The following ACOXL variants were observed in gnomAD, a reference collection of about 807,000 sequenced individuals.
The protein encoded by ACOXL is acyl-CoA oxidase like.
ACOXL carries 70 observed loss-of-function variants against 71.9 expected under a neutral mutation model. The ratio of observed to expected loss-of-function variants is 0.97; its 90% CI spans 0.80 to 1.19. The LOEUF (loss-of-function observed/expected upper bound fraction) is 1.19. Ranked by LOEUF, ACOXL falls within the 50% of genes most tolerant of loss-of-function variation. ACOXL has a pLI of 0.00. For missense variants in ACOXL, 703 were observed against 736.3 expected, an observed-to-expected ratio of 0.95 and a Z score of 0.52; for synonymous variants, 253 against 281.6, an observed-to-expected ratio of 0.90 and a Z score of 1.02.
At chr2:110,912,534 TA>T (rs746276666) in intron 11 of ACOXL, among the ~76,000 whole-genome samples, 30 of 152,138 alleles carry the variant, frequency 2.0e-4, no homozygotes, top group Admixed American at 3.3e-4. Context: ...CTCTTTTCAA[TA>T]AATGGTGCTA....
intron 12 of ACOXL, among the ~76,000 whole-genome samples, chr2:110,977,649 C>T (rs990713351): frequency 9.2e-5 from 14 of 152,152 alleles, no homozygotes; most frequent in Admixed American, 3.9e-4. Context: ...CCAGATGTTG[C>T]AGCATCTAAA....
chr2:110,993,360 A>G (rs2149581543), intron 13 of ACOXL, among the ~76,000 whole-genome samples: 1 of 152,332 alleles, frequency 6.6e-6, no homozygotes, highest in South Asian at 2.1e-4. Context: ...GTTTTTCTAT[A>G]CTAGAACTTC....
intron 16 of ACOXL, among the ~76,000 whole-genome samples, chr2:111,063,787 G>C (rs1219851470): frequency 6.6e-6 from 1 of 152,144 alleles, no homozygotes; most frequent in African/African-American, 2.4e-5. Flanking sequence ...AATAAGGCAA[G>C]ATACAGAAAT....
Position 111,118,109 on chromosome 2 carries a change from G to A in ACOXL, c.*293G>A, listed in dbSNP as rs1160745053. On this transcript the variant is annotated 3_prime_UTR_variant, in exon 18 of 18. Coordinates refer to ENST00000439055, the MANE Select transcript of ACOXL (RefSeq NM_001142807.4). ...AGTGCCGGATCCCCTAGACAATCAG[G>A]GTGGGCTCCCCGCTGCGAGCGCGCC... 3.9e-6 allele frequency: 2 copies of A among 511,854 alleles called. No individual in the cohort carries two copies. Among genetic ancestry groups the A allele is most frequent in the Non-Finnish European group, 6.9e-6 (2 of 287,940 alleles). 31.7% of individuals were successfully genotyped at this position (511,854 alleles called of 1,614,324 possible). A position where few individuals can be genotyped will look rare whatever the true frequency, so the allele number is the denominator to read the frequency against.
At chr2:111,046,509 CAA>C (rs1205994747) in intron 15 of ACOXL, among the ~76,000 whole-genome samples, 2 of 152,164 alleles carry the variant, frequency 1.3e-5, no homozygotes, top group Non-Finnish European at 2.9e-5. Flanking sequence ...AAGAAACTTA[CAA>C]TCATGGCAGA....
At chr2:110,853,728 G>A (rs1320223640) in intron 10 of ACOXL, among the ~76,000 whole-genome samples, 1 of 152,140 alleles carries the variant, frequency 6.6e-6, no homozygotes, top group East Asian at 1.9e-4. Context: ...GAGCCAGCCC[G>A]AGGCCCTTTC....
intron 12 of ACOXL, among the ~76,000 whole-genome samples, chr2:110,962,874 C>A (rs1483236470): frequency 1.3e-5 from 2 of 152,150 alleles, no homozygotes; most frequent in Non-Finnish European, 2.9e-5. Flanking sequence ...GACGGGGGAG[C>A]AATTCTGGAT....
At chr2:111,004,914 T>A (rs995421695) in intron 14 of ACOXL, among the ~76,000 whole-genome samples, 1 of 152,222 alleles carries the variant, frequency 6.6e-6, no homozygotes, top group Non-Finnish European at 1.5e-5. Context: ...GCAGATGTTT[T>A]ACAACAATCT....
intron 9 of ACOXL, among the ~76,000 whole-genome samples, chr2:110,834,640 A>G (rs574272781): frequency 1.4e-4 from 21 of 152,316 alleles, no homozygotes; most frequent in Middle Eastern, 3.4e-3. Flanking sequence ...GTGACAGCCA[A>G]TGTTCCTAAA....
At chr2:110,905,245 T>C (rs543507157) in intron 10 of ACOXL, among the ~76,000 whole-genome samples, 1 of 151,932 alleles carries the variant, frequency 6.6e-6, no homozygotes, top group South Asian at 2.1e-4. Context: ...AAGTCTCAAT[T>C]TGGGGAGAGG....
At chr2:111,068,729 T>C (rs947832476) in intron 16 of ACOXL, among the ~76,000 whole-genome samples, 4 of 152,218 alleles carry the variant, frequency 2.6e-5, no homozygotes, top group African/African-American at 9.6e-5. Flanking sequence ...CTTTCACCTA[T>C]AAATCCTTGA....
At chr2:111,051,021 C>T (rs527556471) in intron 16 of ACOXL, among the ~76,000 whole-genome samples, 3 of 152,194 alleles carry the variant, frequency 2.0e-5, no homozygotes, top group South Asian at 2.1e-4. Context: ...CCTCCAGTGG[C>T]GTTCAGTATT....
intron 10 of ACOXL, among the ~76,000 whole-genome samples, chr2:110,846,130 T>C (rs891482968): frequency 2.6e-5 from 4 of 152,124 alleles, no homozygotes; most frequent in Non-Finnish European, 4.4e-5. Flanking sequence ...TTTGAGACTT[T>C]AGATTCTAAA....
chr2:110,742,500 T>G (rs1242179620), intron 1 of ACOXL, among the ~76,000 whole-genome samples: 1 of 152,232 alleles, frequency 6.6e-6, no homozygotes, highest in African/African-American at 2.4e-5. Context: ...AAAGTTTTGG[T>G]GTCCCTGACA....
rs1167436099 is a variant in ACOXL at position 110,933,633 on chromosome 2, T to C, written c.1050T>C (p.Thr350=). 6.2e-7 allele frequency: 1 copy of C among 1,610,974 alleles called. No individual in the cohort carries two copies. Residue 350 remains threonine, a synonymous_variant, in exon 12 of 18, where the codon ACT becomes ACC. Transcript: ENST00000439055. ...GCCTGCAGGACTGCCGCGAGTGCAC[T>C]GGAGGCATGGTGAGCCCCAAGGCCT... ...IRCLQDCREC[T]GGMVVGRELL...
chr2:111,027,325 C>CTT (rs530926518), intron 14 of ACOXL, among the ~76,000 whole-genome samples: 3 of 142,096 alleles, frequency 2.1e-5, no homozygotes, highest in Non-Finnish European at 3.1e-5. Context: ...GAAAATTATT[C>CTT]TTTTTTTTTT....
intron 12 of ACOXL, among the ~76,000 whole-genome samples, chr2:110,953,883 C>T (rs1319062959): frequency 6.6e-6 from 1 of 152,204 alleles, no homozygotes; most frequent in Non-Finnish European, 1.5e-5. Flanking sequence ...CGTGAGAACT[C>T]ACGCATTATC....
intron 10 of ACOXL, among the ~76,000 whole-genome samples, chr2:110,871,860 A>G (rs1184401586): frequency 6.6e-6 from 1 of 151,968 alleles, no homozygotes; most frequent in African/African-American, 2.4e-5. Context: ...CATCCTGCCC[A>G]CTCATTCTGA....
At chr2:111,048,001 A>G (rs1465575598) in intron 15 of ACOXL, among the ~76,000 whole-genome samples, 1 of 152,220 alleles carries the variant, frequency 6.6e-6, no homozygotes, top group African/African-American at 2.4e-5. Context: ...ACTACAAACA[A>G]CCTACCCAGA....
Sources: gnomAD v4.1 joint callset for allele counts (sites outside exome capture counted in the v4.1 genomes callset) on GRCh38, gnomAD v4.1.1 for gene constraint, MANE v1.5 for transcripts, NCBI Gene and HGNC (gene_info 2026-07-23, HGNC 2026-07-21) for gene names.